Variants in GSDMC observed in about 807,000 individuals in gnomAD.
The protein encoded by GSDMC is gasdermin-C.
A neutral mutation model predicts 58.0 loss-of-function variants in GSDMC; 59 were observed. That is an observed-to-expected ratio of 1.02 (90% CI 0.82 to 1.26). The LOEUF is 1.26. Ranked by LOEUF, GSDMC falls within the 50% of genes most tolerant of loss-of-function variation. The probability of loss-of-function intolerance (pLI) is 0.00; values close to 1 mark genes in which losing one functional copy is unlikely to be tolerated. For missense variants in GSDMC, 659 were observed against 598.5 expected (o/e 1.10, Z -1.06); for synonymous variants, 241 against 220.2 (o/e 1.09, Z -0.83).
intron 1 of GSDMC, among the ~76,000 whole-genome samples, chr8:129,783,177 T>G (rs1182043654): frequency 6.6e-6 from 1 of 151,838 alleles, no homozygotes; most frequent in Non-Finnish European, 1.5e-5. Flanking sequence ...ATAAAACCCC[T>G]CAAAAAACTG....
At chr8:129,730,929 C>T in the GSDMC span, among the ~76,000 whole-genome samples, 1 of 152,114 alleles carries the variant, frequency 6.6e-6, no homozygotes, top group African/African-American at 2.4e-5. Flanking sequence ...CGCTTCTTTA[C>T]AGTAAGTAGA....
chr8:129,737,192 T>C, the GSDMC span, among the ~76,000 whole-genome samples: 3 of 152,148 alleles, frequency 2.0e-5, no homozygotes, highest in Non-Finnish European at 4.4e-5. Flanking sequence ...GAAGAATCAA[T>C]AGCGTGAAAA....
chr8:129,723,225 T>C, the GSDMC span, among the ~76,000 whole-genome samples: 431 of 148,818 alleles, frequency 2.9e-3, 3 homozygotes, highest in Non-Finnish European at 5.3e-3. Context: ...GGGCTCAGCA[T>C]CTAGCAGTTT....
At chr8:129,713,538 G>C in the GSDMC span, among the ~76,000 whole-genome samples, 1 of 152,276 alleles carries the variant, frequency 6.6e-6, no homozygotes, top group Middle Eastern at 3.4e-3. Flanking sequence ...TGTCACTGAG[G>C]AGCCTTGGAA....
chr8:129,776,010 T>C (rs1400898500), intron 3 of GSDMC, 92 bp downstream of exon 3: 1 of 1,014,646 alleles, frequency 9.9e-7, no homozygotes, highest in Non-Finnish European at 1.4e-6. Flanking sequence ...TTTTCATCCC[T>C]ACAACAAGAC....
At chr8:129,721,017 A>C in the GSDMC span, among the ~76,000 whole-genome samples, 1 of 152,208 alleles carries the variant, frequency 6.6e-6, no homozygotes, top group Non-Finnish European at 1.5e-5. Flanking sequence ...CTGACATAAG[A>C]GTAATGGATC....
At chr8:129,753,660 T>A (rs2033312778) in intron 6 of GSDMC, among the ~76,000 whole-genome samples, 1 of 152,188 alleles carries the variant, frequency 6.6e-6, no homozygotes, top group Non-Finnish European at 1.5e-5. Flanking sequence ...AGGTACCAGT[T>A]CAGCCACAGT....
chr8:129,724,218 G>A, the GSDMC span, among the ~76,000 whole-genome samples: 2 of 152,300 alleles, frequency 1.3e-5, no homozygotes, highest in East Asian at 3.9e-4. Context: ...TAAGCTTTCA[G>A]GTGACTATAG....
At chr8:129,705,772 C>A in the GSDMC span, among the ~76,000 whole-genome samples, 1 of 152,054 alleles carries the variant, frequency 6.6e-6, no homozygotes, top group Non-Finnish European at 1.5e-5. Context: ...TAATTGGATG[C>A]AGAGAAATGT....
Position 129,749,502 on chromosome 8 carries a change from A to G in GSDMC, c.1237T>C (p.Leu413=), listed in dbSNP as rs2033082390. Residue 413 remains leucine, a synonymous_variant, in exon 13 of 14, where the codon TTG becomes CTG. Transcript: ENST00000276708. ...CTCTTCTCCATGGAACAGGCCAGCA[A>G]ATCGTGTTGGAAGTCACTCAGCACT... ...IMVLSDFQHD[L]LACSMEKRIL... is the part of the protein sequence containing the mutation. 6.2e-7 allele frequency: 1 copy of G among 1,613,780 alleles called. No individual in the cohort carries two copies. The highest frequency in any genetic ancestry group is 1.3e-5 in the African/African-American group (1 of 74,912).
chr8:129,717,659 GA>G, the GSDMC span, among the ~76,000 whole-genome samples: 9 of 151,808 alleles, frequency 5.9e-5, no homozygotes, highest in Non-Finnish European at 1.0e-4. Flanking sequence ...CACAGAATTA[GA>G]AAAAAACTAC....
At chr8:129,726,999 T>TATAC in the GSDMC span, among the ~76,000 whole-genome samples, 1,831 of 93,040 alleles carry the variant, frequency 0.02, 18 homozygotes, top group Non-Finnish European at 0.022. Context: ...CCAATACACA[T>TATAC]ACACACACAC....
chr8:129,781,368 G>T (rs2034402054), intron 1 of GSDMC, among the ~76,000 whole-genome samples: 1 of 152,100 alleles, frequency 6.6e-6, no homozygotes, highest in South Asian at 2.1e-4. Context: ...CCAAAAAAGA[G>T]CAGGAATAGC....
the GSDMC span, among the ~76,000 whole-genome samples, chr8:129,735,131 T>A: frequency 2.0e-5 from 3 of 152,176 alleles, no homozygotes; most frequent in Non-Finnish European, 4.4e-5. Context: ...ATGCACCCAA[T>A]ACAGGAGCAC....
At chr8:129,747,974 A>G (rs918842616), downstream of GSDMC, among the ~76,000 whole-genome samples, 1 of 152,174 alleles carries the variant, frequency 6.6e-6, no homozygotes, top group Non-Finnish European at 1.5e-5. Flanking sequence ...GTGGGGGCTA[A>G]CATTTAATGT....
chr8:129,775,858 G>T (rs2034206233), intron 3 of GSDMC, among the ~76,000 whole-genome samples: 1 of 151,954 alleles, frequency 6.6e-6, no homozygotes, highest in African/African-American at 2.4e-5. Context: ...TGTTTTCATT[G>T]TATCCCCAAC....
the GSDMC span, among the ~76,000 whole-genome samples, chr8:129,742,054 T>C: frequency 6.6e-6 from 1 of 151,660 alleles, no homozygotes; most frequent in Non-Finnish European, 1.5e-5. Context: ...GGAAAAATAC[T>C]GCATAATCTC....
chr8:129,781,697 C>T (rs1418103928), intron 1 of GSDMC, among the ~76,000 whole-genome samples: 4 of 147,412 alleles, frequency 2.7e-5, no homozygotes, highest in East Asian at 2.0e-4. Flanking sequence ...GTGGGCCGAG[C>T]GGAGATCGCG....
the GSDMC span, among the ~76,000 whole-genome samples, chr8:129,741,915 A>AATATATATATATATATAT: frequency 0.017 from 2,089 of 125,606 alleles, 64 homozygotes; most frequent in African/African-American, 0.034. Flanking sequence ...AAGAAAATGT[A>AATATATATATATATATAT]ATATATATAT....
Sources: allele counts gnomAD v4.1 joint callset (sites outside exome capture counted in the v4.1 genomes callset), GRCh38; gene constraint gnomAD v4.1.1; transcripts MANE v1.5; gene names NCBI Gene and HGNC (gene_info 2026-07-23, HGNC 2026-07-21).